The following ZBTB38 variants were observed in gnomAD, a reference collection of about 807,000 sequenced individuals.
ZBTB38 encodes the protein zinc finger and BTB domain-containing protein 38.
In ZBTB38, 20 loss-of-function variants were observed where a neutral mutation model predicts 76.8. The ratio of observed to expected loss-of-function variants is 0.26; its 90% CI spans 0.18 to 0.38. The LOEUF (loss-of-function observed/expected upper bound fraction) is 0.38, where lower values mean the gene tolerates loss of function less well. Among genes scored for constraint, ZBTB38 ranks in the 10% least tolerant of loss-of-function variants. ZBTB38 has a pLI of 1.00. For missense variants in ZBTB38, 1,082 were observed against 1,482.3 expected (o/e 0.73, Z 4.43); for synonymous variants, 504 against 544.2 (o/e 0.93, Z 1.03).
chr3:141,338,048 C>G (rs530391176), intron 1 of ZBTB38, among the ~76,000 whole-genome samples: 2 of 152,230 alleles, frequency 1.3e-5, no homozygotes, highest in Non-Finnish European at 2.9e-5. Flanking sequence ...AAAAAATGTT[C>G]AACATCACCA....
chr3:141,355,131 C>T (rs1943623322), intron 1 of ZBTB38, among the ~76,000 whole-genome samples: 1 of 151,946 alleles, frequency 6.6e-6, no homozygotes, highest in Non-Finnish European at 1.5e-5. Flanking sequence ...AAGCTCTCCT[C>T]AAAGTACAAG....
chr3:141,386,728 A>G (rs724016), intron 3 of ZBTB38, 144 bp from the exon 4 acceptor site: 78,265 of 152,470 alleles, frequency 0.51, 21,902 homozygotes, highest in African/African-American at 0.75. Flanking sequence ...AGAAGGACAC[A>G]TTCATTGTGG....
chr3:141,428,265 A>G (rs1433315547), intron 5 of ZBTB38, among the ~76,000 whole-genome samples: 2 of 152,198 alleles, frequency 1.3e-5, no homozygotes, highest in African/African-American at 2.4e-5. Flanking sequence ...GGGATCTTGT[A>G]TAACAAGCCT....
chr3:141,433,637 C>CA (rs1445216055), intron 5 of ZBTB38, among the ~76,000 whole-genome samples: 2 of 151,672 alleles, frequency 1.3e-5, no homozygotes, highest in South Asian at 2.1e-4. Flanking sequence ...TTTTTTAAAA[C>CA]AAAAAAATAA....
chr3:141,349,666 G>T (rs1943463462), intron 1 of ZBTB38, among the ~76,000 whole-genome samples: 1 of 152,150 alleles, frequency 6.6e-6, no homozygotes, highest in Non-Finnish European at 1.5e-5. Context: ...GGAGGCAGAG[G>T]TTGAAGTGAG....
At chr3:141,355,604 C>T (rs2148944777) in intron 1 of ZBTB38, among the ~76,000 whole-genome samples, 1 of 152,194 alleles carries the variant, frequency 6.6e-6, no homozygotes, top group South Asian at 2.1e-4. Flanking sequence ...TGTGCAGCCT[C>T]CACAGGCTTT....
intron 1 of ZBTB38, among the ~76,000 whole-genome samples, chr3:141,357,607 G>T (rs1291823032): frequency 6.6e-6 from 1 of 152,154 alleles, no homozygotes; most frequent in Non-Finnish European, 1.5e-5. Flanking sequence ...TCGGCTCACT[G>T]CAAGTTCCGG....
intron 4 of ZBTB38, chr3:141,396,218 T>C (rs1049175700): frequency 1.3e-5 from 2 of 152,232 alleles, no homozygotes; most frequent in Non-Finnish European, 2.9e-5. Flanking sequence ...ATCAACTAAA[T>C]TTATGTAATA....
intron 1 of ZBTB38, among the ~76,000 whole-genome samples, chr3:141,324,774 C>T (rs538014618): frequency 6.6e-6 from 1 of 152,102 alleles, no homozygotes; most frequent in Non-Finnish European, 1.5e-5. Flanking sequence ...ATGTATTATT[C>T]AGAAATCATG....
intron 3 of ZBTB38, among the ~76,000 whole-genome samples, chr3:141,382,810 G>A (rs1026205069): frequency 6.6e-6 from 1 of 152,158 alleles, no homozygotes; most frequent in East Asian, 1.9e-4. Context: ...TATGAACAGA[G>A]GTAGTCAGGG....
At chr3:141,326,098 A>G (rs1942666098) in intron 1 of ZBTB38, among the ~76,000 whole-genome samples, 1 of 152,230 alleles carries the variant, frequency 6.6e-6, no homozygotes, top group Non-Finnish European at 1.5e-5. Flanking sequence ...CATTCTTTGG[A>G]AAACATGTCA....
At chr3:141,410,037 A>G (rs1260046981) in intron 5 of ZBTB38, among the ~76,000 whole-genome samples, 1 of 152,214 alleles carries the variant, frequency 6.6e-6, no homozygotes, top group Admixed American at 6.5e-5. Flanking sequence ...CCTATAACCA[A>G]AGAAGGTTTT....
intron 2 of ZBTB38, among the ~76,000 whole-genome samples, chr3:141,371,045 C>CTTTCTTTTTT (rs1944498561): frequency 2.8e-5 from 2 of 72,006 alleles, no homozygotes; most frequent in Non-Finnish European, 2.5e-5. Context: ...TTCTTTCTTT[C>CTTTCTTTTTT]TTTTTTTTTT....
At chr3:141,412,910 GACCT>G (rs890213643) in intron 5 of ZBTB38, among the ~76,000 whole-genome samples, 1 of 152,010 alleles carries the variant, frequency 6.6e-6, no homozygotes, top group African/African-American at 2.4e-5. Flanking sequence ...TTGTACCTCA[GACCT>G]ACTGGTGGGC....
intron 5 of ZBTB38, among the ~76,000 whole-genome samples, chr3:141,431,041 G>A (rs182359788): frequency 6.6e-6 from 1 of 151,896 alleles, no homozygotes; most frequent in Non-Finnish European, 1.5e-5. Context: ...TACATTTTGG[G>A]GCCAGGCACG....
Position 141,444,885 on chromosome 3 carries a change from G to A in ZBTB38, c.2497G>A (p.Val833Ile). The A allele has an allele frequency of 6.2e-7, 1 of 1,614,116 alleles. No individual in the cohort carries two copies. The highest frequency in any genetic ancestry group is 2.2e-5 in the East Asian group (1 of 44,884). The change falls in exon 6 of 6, where the codon GTT (valine) becomes ATT (isoleucine). Residue 833 changes from valine to isoleucine, a missense_variant. Val to Ile is a conservative substitution (Grantham distance 29). This residue lies in a region of ZBTB38 where 471 missense variants were observed against 581.0 expected (regional missense o/e 0.81). Transcript: ENST00000321464. The surrounding 1 kb of genome is among the most constrained non-coding windows in gnomAD (Gnocchi z 5.1). The stretch of plus-strand genomic sequence containing the variant: ...GCCGGGAACCTCCACAAATAGTAAT[G>A]TTGCACCCCTTTGCCAAATAACAGT... ...ALPGTSTNSN[V>I]APLCQITVKI...
chr3:141,375,492 C>A (rs77022697), intron 2 of ZBTB38, among the ~76,000 whole-genome samples: 1 of 152,194 alleles, frequency 6.6e-6, no homozygotes, highest in Non-Finnish European at 1.5e-5. Context: ...AAGGGGCCCA[C>A]GTGCCCATCT....
chr3:141,324,639 G>A (rs771429666), intron 1 of ZBTB38, among the ~76,000 whole-genome samples: 14 of 152,276 alleles, frequency 9.2e-5, no homozygotes, highest in South Asian at 6.2e-4. Context: ...AGCATCTAGC[G>A]TAGTGCCTAA....
intron 2 of ZBTB38, among the ~76,000 whole-genome samples, chr3:141,378,201 T>A (rs1320607613): frequency 2.4e-5 from 3 of 125,390 alleles, no homozygotes; most frequent in Admixed American, 2.3e-4. Flanking sequence ...AAAAAAAAAA[T>A]TACAGTGATA....
Sources: gnomAD v4.1 joint callset for allele counts (sites outside exome capture counted in the v4.1 genomes callset) on GRCh38, gnomAD v4.1.1 for gene constraint, gnomAD v4.1.1 regional missense constraint, Gnocchi (gnomAD v3.1) non-coding constraint, MANE v1.5 for transcripts, NCBI Gene and HGNC (gene_info 2026-07-23, HGNC 2026-07-21) for gene names.